Variants in GRIN2A observed in about 807,000 individuals in gnomAD.
GRIN2A encodes the protein glutamate ionotropic receptor NMDA type subunit 2A.
A neutral mutation model predicts 113.4 loss-of-function variants in GRIN2A; 22 were observed. The observed-to-expected ratio is 0.19, with a 90% CI of 0.14 to 0.28. GRIN2A has a LOEUF of 0.28. Ranked by LOEUF, GRIN2A falls within the 10% of genes least tolerant of loss-of-function variation. The pLI is 1.00. For synonymous variants in GRIN2A, 827 were observed against 738.4 expected (o/e 1.12, Z -1.94); for missense variants, 1,502 against 1,887.0 (o/e 0.80, Z 3.78).
intron 2 of GRIN2A, among the ~76,000 whole-genome samples, chr16:9,970,285 A>C (rs2045645193): frequency 6.6e-6 from 1 of 152,198 alleles, no homozygotes; most frequent in African/African-American, 2.4e-5. Context: ...CAAGTCTTTA[A>C]TGTACAATCC....
At chr16:9,978,238 C>T (rs2045815154) in intron 2 of GRIN2A, among the ~76,000 whole-genome samples, 1 of 152,194 alleles carries the variant, frequency 6.6e-6, no homozygotes, top group Non-Finnish European at 1.5e-5. Flanking sequence ...GGGCCACTCA[C>T]TTTTCAAAGT....
chr16:10,012,677 A>G (rs1468170056), intron 2 of GRIN2A, among the ~76,000 whole-genome samples: 2 of 152,200 alleles, frequency 1.3e-5, no homozygotes, highest in African/African-American at 4.8e-5. Flanking sequence ...GGACATTTGA[A>G]AGTAGAGTCT....
chr16:9,943,834 A>G (rs2044951765), intron 2 of GRIN2A, among the ~76,000 whole-genome samples: 1 of 152,236 alleles, frequency 6.6e-6, no homozygotes, highest in African/African-American at 2.4e-5. Context: ...ATTGTGCCCC[A>G]TGCAAGTCTG....
chr16:10,151,107 A>T (rs951485177), intron 2 of GRIN2A, among the ~76,000 whole-genome samples: 1 of 152,230 alleles, frequency 6.6e-6, no homozygotes, highest in Non-Finnish European at 1.5e-5. Context: ...ACTGCCATCA[A>T]TGCCCTCGGG....
At chr16:9,879,396 G>C (rs1415942257) in intron 4 of GRIN2A, among the ~76,000 whole-genome samples, 1 of 152,098 alleles carries the variant, frequency 6.6e-6, no homozygotes, top group African/African-American at 2.4e-5. Context: ...CCTAATTAGA[G>C]ACTTACACCT....
chr16:9,873,238 G>C (rs1429678454), intron 4 of GRIN2A, among the ~76,000 whole-genome samples: 1 of 152,078 alleles, frequency 6.6e-6, no homozygotes, highest in Non-Finnish European at 1.5e-5. Context: ...GCTACTTAAT[G>C]GATACAATGT....
At chr16:10,014,654 C>T (rs1472362510) in intron 2 of GRIN2A, among the ~76,000 whole-genome samples, 5 of 152,052 alleles carry the variant, frequency 3.3e-5, no homozygotes, top group African/African-American at 9.7e-5. Context: ...TAGGAGTTAA[C>T]GAGATGAGGA....
At chr16:10,081,065 A>G (rs1197087982) in intron 2 of GRIN2A, among the ~76,000 whole-genome samples, 3 of 152,166 alleles carry the variant, frequency 2.0e-5, no homozygotes, top group East Asian at 1.9e-4. Context: ...CAGAGTCCCA[A>G]CTGCAGAAGA....
chr16:9,933,879 A>C (rs1229970204), intron 3 of GRIN2A, among the ~76,000 whole-genome samples: 1 of 152,266 alleles, frequency 6.6e-6, no homozygotes, highest in African/African-American at 2.4e-5. Context: ...GAGGTAAAGG[A>C]AGTTCTAACA....
chr16:9,773,305 C>T (rs1901396410), intron 11 of GRIN2A, among the ~76,000 whole-genome samples: 1 of 152,190 alleles, frequency 6.6e-6, no homozygotes, highest in African/African-American at 2.4e-5. Context: ...CAAAGGGGAA[C>T]TTGCAGCGGG....
intron 10 of GRIN2A, among the ~76,000 whole-genome samples, chr16:9,800,950 G>A (rs1302358976): frequency 6.6e-6 from 1 of 152,330 alleles, no homozygotes; most frequent in Middle Eastern, 3.4e-3. Flanking sequence ...TGTGTAACAG[G>A]AACACTGGAG....
At chr16:9,937,656 T>C (rs1025508462) in intron 3 of GRIN2A, 3 of 404,016 alleles carry the variant, frequency 7.4e-6, no homozygotes, top group African/African-American at 2.0e-5. Flanking sequence ...TTACAAAAAA[T>C]ATAGATACAC....
chr16:10,133,461 G>A (rs911214060), intron 2 of GRIN2A, among the ~76,000 whole-genome samples: 2 of 152,130 alleles, frequency 1.3e-5, no homozygotes, highest in Admixed American at 1.3e-4. Context: ...ACAAAAATTA[G>A]CCAGGCACGG....
At chr16:10,017,208 A>T (rs1596420907) in intron 2 of GRIN2A, among the ~76,000 whole-genome samples, 2 of 152,348 alleles carry the variant, frequency 1.3e-5, no homozygotes, top group Admixed American at 6.5e-5. Context: ...CCATTTTTTT[A>T]AAAGGAACCT....
chr16:9,783,936 A>G (rs1369061073), intron 11 of GRIN2A, among the ~76,000 whole-genome samples: 1 of 152,132 alleles, frequency 6.6e-6, no homozygotes, highest in Non-Finnish European at 1.5e-5. Context: ...ACATAGACAT[A>G]TAGAAGGGAG....
At chr16:10,064,627 G>C (rs996980245) in intron 2 of GRIN2A, among the ~76,000 whole-genome samples, 5 of 152,182 alleles carry the variant, frequency 3.3e-5, no homozygotes, top group African/African-American at 1.2e-4. Context: ...GAAATGGCAA[G>C]AGAAATTAAT....
At chr16:10,027,242 G>C (rs2046840462) in intron 2 of GRIN2A, among the ~76,000 whole-genome samples, 1 of 152,156 alleles carries the variant, frequency 6.6e-6, no homozygotes. Flanking sequence ...TCTTATAAAG[G>C]AGTTGCCCAT....
At chr16:9,929,762 A>G (rs2141604860) in intron 3 of GRIN2A, among the ~76,000 whole-genome samples, 1 of 152,348 alleles carries the variant, frequency 6.6e-6, no homozygotes, top group Non-Finnish European at 1.5e-5. Flanking sequence ...TCTAGTATTC[A>G]TCCCTGGAGG....
At chr16:9,961,017 G>A (rs137956042) in intron 2 of GRIN2A, among the ~76,000 whole-genome samples, 27 of 152,232 alleles carry the variant, frequency 1.8e-4, no homozygotes, top group African/African-American at 4.6e-4. Context: ...TGTCATTTAC[G>A]TGCAATTTAA....
Sources: gnomAD v4.1 joint callset for allele counts (sites outside exome capture counted in the v4.1 genomes callset) on GRCh38, gnomAD v4.1.1 for gene constraint, MANE v1.5 for transcripts, NCBI Gene and HGNC (gene_info 2026-07-23, HGNC 2026-07-21) for gene names.